ADAMTS3: variants seen among roughly 807,000 people sequenced by gnomAD.
ADAMTS3 encodes the protein A disintegrin and metalloproteinase with thrombospondin motifs 3.
A neutral mutation model predicts 129.0 loss-of-function variants in ADAMTS3; 73 were observed. That is an observed-to-expected ratio of 0.57 (90% CI 0.47 to 0.69). ADAMTS3 has a LOEUF of 0.69. Among genes scored for constraint, ADAMTS3 ranks in the 30% least tolerant of loss-of-function variants. The pLI, the probability that ADAMTS3 is intolerant of heterozygous loss-of-function variation, is 0.00. For missense variants in ADAMTS3, 1,457 were observed against 1,514.5 expected (o/e 0.96, Z 0.63); for synonymous variants, 477 against 510.8 (o/e 0.93, Z 0.89).
chr4:72,458,066 T>G (rs1718670990), intron 3 of ADAMTS3, among the ~76,000 whole-genome samples: 1 of 151,616 alleles, frequency 6.6e-6, no homozygotes, highest in Non-Finnish European at 1.5e-5. Context: ...GGGTTTTAAC[T>G]GAGCGCATCT....
chr4:72,416,453 A>G (rs1242992220), intron 3 of ADAMTS3, among the ~76,000 whole-genome samples: 1 of 152,012 alleles, frequency 6.6e-6, no homozygotes, highest in East Asian at 1.9e-4. Context: ...TCACAAGAAA[A>G]CATTACTACA....
intron 3 of ADAMTS3, among the ~76,000 whole-genome samples, chr4:72,516,848 C>G (rs558887767): frequency 6.6e-6 from 1 of 152,064 alleles, no homozygotes; most frequent in Admixed American, 6.6e-5. Context: ...TGCCTAATTG[C>G]CCTGGCCAGA....
intron 3 of ADAMTS3, among the ~76,000 whole-genome samples, chr4:72,469,554 C>T (rs1049437362): frequency 6.6e-6 from 1 of 152,110 alleles, no homozygotes. Flanking sequence ...GCTATCTAAT[C>T]CCTCACCTCT....
chr4:72,513,239 C>A (rs1407164667), intron 3 of ADAMTS3, among the ~76,000 whole-genome samples: 1 of 152,160 alleles, frequency 6.6e-6, no homozygotes. Context: ...TCCCATATTT[C>A]TTGGTCATGC....
chr4:72,422,343 T>G (rs1722467223), intron 3 of ADAMTS3, among the ~76,000 whole-genome samples: 1 of 152,112 alleles, frequency 6.6e-6, no homozygotes. Flanking sequence ...TCACATAAAG[T>G]CCTGCATTGA....
chr4:72,386,623 A>G (rs1721456126), intron 4 of ADAMTS3, among the ~76,000 whole-genome samples: 1 of 152,168 alleles, frequency 6.6e-6, no homozygotes, highest in Non-Finnish European at 1.5e-5. Flanking sequence ...AACACTGATG[A>G]GTCTCAGGGA....
At position 72,305,945 on chromosome 4, in the gene ADAMTS3, T is replaced by C. The variant is rs763570897; in HGVS notation, c.2260+42A>G. The C allele has an allele frequency of 6.7e-6, 10 of 1,501,882 alleles. No homozygotes were observed. In the East Asian group the frequency reaches 2.3e-4, roughly 34 times the overall value. 93.0% of individuals were successfully genotyped at this position (1,501,882 alleles called of 1,614,324 possible). A position where few individuals can be genotyped will look rare whatever the true frequency, so the allele number is the denominator to read the frequency against. Reference sequence around the variant, plus strand: ...AGGATTTCTTTGACATTTCAATGTTTCAGTGCATGTTAAAGCAGAGACAGC... The same window carrying C: ...AGGATTTCTTTGACATTTCAATGTTCCAGTGCATGTTAAAGCAGAGACAGC... On this transcript the variant is annotated intron_variant, in intron 16 of 21. Transcript: ENST00000286657.
At chr4:72,485,754 C>T (rs960826102) in intron 3 of ADAMTS3, among the ~76,000 whole-genome samples, 3 of 152,150 alleles carry the variant, frequency 2.0e-5, no homozygotes, top group Non-Finnish European at 4.4e-5. Context: ...AAAATTCATA[C>T]GTTGAAACCT....
intron 4 of ADAMTS3, among the ~76,000 whole-genome samples, chr4:72,367,643 G>A (rs1319002113): frequency 2.6e-5 from 4 of 152,174 alleles, no homozygotes; most frequent in African/African-American, 9.6e-5. Context: ...AAGGTCAGGA[G>A]ATCAAGACCA....
At chr4:72,455,233 C>T (rs962964003) in intron 3 of ADAMTS3, among the ~76,000 whole-genome samples, 1 of 151,470 alleles carries the variant, frequency 6.6e-6, no homozygotes, top group Non-Finnish European at 1.5e-5. Context: ...ATAGAAAAAA[C>T]TTAGAAATAT....
At chr4:72,437,154 C>G (rs1430039032) in intron 3 of ADAMTS3, among the ~76,000 whole-genome samples, 1 of 151,782 alleles carries the variant, frequency 6.6e-6, no homozygotes, top group African/African-American at 2.4e-5. Context: ...TGTGAGTATT[C>G]TGTAAAACTT....
chr4:72,452,679 C>A lies in ADAMTS3; in HGVS notation c.505-37708G>T, dbSNP rs1480249671. Among the ~76,000 whole-genome samples, 3 of 151,880 alleles carry A rather than the reference C, an allele frequency of 2.0e-5. No homozygotes were observed. In the East Asian group the frequency reaches 5.9e-4, roughly 30 times the overall value. On this transcript the variant is annotated intron_variant, in intron 3 of 21. Transcript: ENST00000286657. The stretch of plus-strand genomic sequence containing the variant: ...CTCATAATACACAGGCAGTCTTGAG[C>A]TGATTTCGTGCATCAGGGATTCTGC...
At chr4:72,379,993 G>A (rs993809233) in intron 4 of ADAMTS3, among the ~76,000 whole-genome samples, 1 of 151,782 alleles carries the variant, frequency 6.6e-6, no homozygotes, top group Non-Finnish European at 1.5e-5. Context: ...ATCATTTAGG[G>A]TTCACATAAG....
intron 4 of ADAMTS3, among the ~76,000 whole-genome samples, chr4:72,374,265 C>T (rs931132923): frequency 1.3e-5 from 2 of 150,134 alleles, no homozygotes; most frequent in African/African-American, 4.9e-5. Flanking sequence ...CCTGTTTGTT[C>T]TCCTGCATGT....
chr4:72,458,456 T>C (rs1718681797), intron 3 of ADAMTS3, among the ~76,000 whole-genome samples: 1 of 151,436 alleles, frequency 6.6e-6, no homozygotes, highest in Admixed American at 6.6e-5. Context: ...GGAACAGAAA[T>C]TATGGTAAAA....
chr4:72,366,403 G>GGTTTAATACA (rs1200376622), intron 4 of ADAMTS3, among the ~76,000 whole-genome samples: 3 of 152,092 alleles, frequency 2.0e-5, no homozygotes, highest in Admixed American at 6.5e-5. Flanking sequence ...GGTTGCCAGA[G>GGTTTAATACA]GTTTAATACA....
intron 4 of ADAMTS3, among the ~76,000 whole-genome samples, chr4:72,377,338 T>G: frequency 6.6e-6 from 1 of 152,208 alleles, no homozygotes; most frequent in East Asian, 1.9e-4. Context: ...GTTCTTCCTC[T>G]GTATCTTTAT....
intron 3 of ADAMTS3, among the ~76,000 whole-genome samples, chr4:72,523,098 C>G (rs1308020662): frequency 6.6e-6 from 1 of 151,866 alleles, no homozygotes; most frequent in African/African-American, 2.4e-5. Context: ...CCAATAATTT[C>G]TCATATCACC....
Position 72,319,426 on chromosome 4 carries a change from C to A in ADAMTS3, c.1258G>T (p.Ala420Ser), listed in dbSNP as rs765854959. 6.2e-7 allele frequency: 1 copy of A among 1,613,868 alleles called. No individual in the cohort carries two copies. The highest frequency in any genetic ancestry group is 8.5e-7 in the Non-Finnish European group (1 of 1,179,924). Residue 420 changes from alanine (A) to serine (S), a missense_variant, in exon 9 of 22, where the codon GCT becomes TCT. Coordinates refer to ENST00000286657, the MANE Select transcript of ADAMTS3 (RefSeq NM_014243.3). ...GQGNRCGDET[A>S]MGSVMAPLVQ... ...AAGGGAGCCATGACACTTCCCATAG[C>A]AGTCTCATCACCACACCTGTTGCCT...
Sources: gnomAD v4.1 joint callset for allele counts (sites outside exome capture counted in the v4.1 genomes callset) on GRCh38, gnomAD v4.1.1 for gene constraint, MANE v1.5 for transcripts, NCBI Gene and HGNC (gene_info 2026-07-23, HGNC 2026-07-21) for gene names.